The following CLASP1 variants were observed in gnomAD, a reference collection of about 807,000 sequenced individuals.
CLASP1 encodes cytoplasmic linker associated protein 1.
CLASP1 carries 38 observed loss-of-function variants against 192.3 expected under a neutral mutation model. That is an observed-to-expected ratio of 0.20 (90% CI 0.15 to 0.26). The LOEUF (loss-of-function observed/expected upper bound fraction) is 0.26. Ranked by LOEUF, CLASP1 falls within the 10% of genes least tolerant of loss-of-function variation. The probability of loss-of-function intolerance (pLI) is 1.00; values close to 1 mark genes in which losing one functional copy is unlikely to be tolerated. For missense variants in CLASP1, 1,433 were observed against 1,932.5 expected (o/e 0.74, Z 4.85); for synonymous variants, 691 against 712.8 (o/e 0.97, Z 0.49).
At chr2:121,396,540 G>A (rs1475970603) in intron 30 of CLASP1, among the ~76,000 whole-genome samples, 2 of 152,180 alleles carry the variant, frequency 1.3e-5, no homozygotes, top group East Asian at 3.8e-4. Context: ...ATATTCTAAT[G>A]TGCATGTCCA....
At chr2:121,584,017 T>C (rs754755025) in intron 2 of CLASP1, among the ~76,000 whole-genome samples, 1 of 152,052 alleles carries the variant, frequency 6.6e-6, no homozygotes, top group African/African-American at 2.4e-5. Flanking sequence ...AGCAACAAGG[T>C]ATCATCCTGG....
At chr2:121,499,447 G>A (rs778505702) in intron 8 of CLASP1, among the ~76,000 whole-genome samples, 4 of 151,640 alleles carry the variant, frequency 2.6e-5, no homozygotes, top group Non-Finnish European at 5.9e-5. Context: ...ATGGGAATGG[G>A]ACGTGAGGGT....
intron 7 of CLASP1, among the ~76,000 whole-genome samples, chr2:121,511,201 T>C (rs929071216): frequency 6.6e-5 from 10 of 152,232 alleles, no homozygotes; most frequent in African/African-American, 2.2e-4. Context: ...GCATTCATAA[T>C]CATAATATGA....
chr2:121,421,188 C>T (rs988949603), intron 22 of CLASP1, among the ~76,000 whole-genome samples: 8 of 152,140 alleles, frequency 5.3e-5, no homozygotes, highest in African/African-American at 1.9e-4. Flanking sequence ...AAGAGAAATA[C>T]AAACTCACTT....
chr2:121,579,242 G>C (rs1005166246), intron 2 of CLASP1, among the ~76,000 whole-genome samples: 8 of 152,120 alleles, frequency 5.3e-5, no homozygotes, highest in African/African-American at 1.9e-4. Flanking sequence ...CAGAGGGGCT[G>C]GGGGGATCTG....
chr2:121,437,485 TTTTG>T (rs1390038019), intron 19 of CLASP1, among the ~76,000 whole-genome samples: 5 of 152,208 alleles, frequency 3.3e-5, no homozygotes, highest in Non-Finnish European at 7.3e-5. Flanking sequence ...AGATCTCTGA[TTTTG>T]TTTGTGTGCT....
chr2:121,479,902 C>T (rs1335577107), intron 8 of CLASP1, among the ~76,000 whole-genome samples: 1 of 152,134 alleles, frequency 6.6e-6, no homozygotes, highest in Non-Finnish European at 1.5e-5. Flanking sequence ...GCATTTTTGA[C>T]AATACAAAGG....
intron 1 of CLASP1, among the ~76,000 whole-genome samples, chr2:121,640,340 G>A (rs903669720): frequency 1.3e-5 from 2 of 152,140 alleles, no homozygotes; most frequent in African/African-American, 4.8e-5. Flanking sequence ...TGCACGTTGT[G>A]CACATGTACC....
intron 30 of CLASP1, among the ~76,000 whole-genome samples, chr2:121,395,183 G>GC (rs2075079502): frequency 6.6e-6 from 1 of 151,972 alleles, no homozygotes; most frequent in African/African-American, 2.4e-5. Flanking sequence ...TCTTGTTTCA[G>GC]CCTTTGAGAC....
intron 1 of CLASP1, among the ~76,000 whole-genome samples, chr2:121,623,240 T>A (rs568908119): frequency 3.0e-4 from 46 of 152,222 alleles, no homozygotes; most frequent in Non-Finnish European, 6.2e-4. Context: ...ATGTTTTTTA[T>A]CATGAAACAA....
rs376819649 is a variant in CLASP1, at chr2:121,397,123, G to A, written c.3123+17C>T. 23 of 1,612,160 alleles carry A rather than the reference G, an allele frequency of 1.4e-5. No individual in the cohort carries two copies. Among genetic ancestry groups the A allele is most frequent in the South Asian group, 1.2e-4 (11 of 91,024 alleles). On this transcript the variant is annotated intron_variant, in intron 30 of 39. Coordinates refer to ENST00000263710, the Ensembl canonical transcript of CLASP1. Reference sequence around the variant, plus strand: ...CAGGAACAATCTGTAATTACACGTCGGTTCTCTTGGACATACCTTTCTCAC... The same window carrying A: ...CAGGAACAATCTGTAATTACACGTCAGTTCTCTTGGACATACCTTTCTCAC...
intron 8 of CLASP1, among the ~76,000 whole-genome samples, chr2:121,501,090 A>C (rs765969577): frequency 1.3e-5 from 2 of 152,196 alleles, no homozygotes; most frequent in Non-Finnish European, 2.9e-5. Context: ...CTTTTAGGCA[A>C]GATCTCCAGT....
At chr2:121,479,024 A>C in intron 8 of CLASP1, among the ~76,000 whole-genome samples, 1 of 68,442 alleles carries the variant, frequency 1.5e-5, no homozygotes, top group Non-Finnish European at 2.7e-5. Context: ...CACCACACAC[A>C]CACACACCCC....
intron 34 of CLASP1, among the ~76,000 whole-genome samples, chr2:121,371,297 C>T (rs890946192): frequency 1.3e-5 from 2 of 151,918 alleles, no homozygotes; most frequent in African/African-American, 2.4e-5. Flanking sequence ...GTGGCACAAT[C>T]GTAGCTTACT....
intron 1 of CLASP1, among the ~76,000 whole-genome samples, chr2:121,620,932 T>C (rs973046868): frequency 1.3e-5 from 2 of 152,118 alleles, no homozygotes; most frequent in African/African-American, 2.4e-5. Context: ...ATGTTTTAGG[T>C]GTCATACTGA....
At chr2:121,354,659 C>T (rs1437240487) in intron 37 of CLASP1, among the ~76,000 whole-genome samples, 1 of 140,020 alleles carries the variant, frequency 7.1e-6, no homozygotes, top group African/African-American at 3.3e-5. Context: ...ACTTTTAGGC[C>T]TCTGTTTTCA....
intron 22 of CLASP1, among the ~76,000 whole-genome samples, chr2:121,424,242 T>C (rs2080018641): frequency 6.6e-6 from 1 of 152,186 alleles, no homozygotes; most frequent in Non-Finnish European, 1.5e-5. Flanking sequence ...CTCTCCCCAA[T>C]AGATATCAAG....
At chr2:121,500,513 GAAAGA>G (rs1034548618) in intron 8 of CLASP1, among the ~76,000 whole-genome samples, 2 of 151,774 alleles carry the variant, frequency 1.3e-5, no homozygotes, top group Admixed American at 6.6e-5. Flanking sequence ...AAAGGTGAAA[GAAAGA>G]AAAGAAAAGA....
At chr2:121,640,962 C>T (rs980829686) in intron 1 of CLASP1, among the ~76,000 whole-genome samples, 9 of 152,162 alleles carry the variant, frequency 5.9e-5, no homozygotes, top group African/African-American at 2.2e-4. Context: ...TTTCAGCTAA[C>T]CAAAGGCTGA....
Sources: gnomAD v4.1 joint callset for allele counts (sites outside exome capture counted in the v4.1 genomes callset) on GRCh38, gnomAD v4.1.1 for gene constraint, MANE v1.5 for transcripts, NCBI Gene and HGNC (gene_info 2026-07-23, HGNC 2026-07-21) for gene names.